FHIT: variants seen among roughly 807,000 people sequenced by gnomAD.
The protein encoded by FHIT is bis(5'-adenosyl)-triphosphatase.
In FHIT, 19 loss-of-function variants were observed where a neutral mutation model predicts 17.9. The observed-to-expected ratio is 1.06, with a 90% confidence interval of 0.74 to 1.56. FHIT has a LOEUF of 1.56. Ranked by LOEUF, FHIT falls within the 40% of genes most tolerant of loss-of-function variation. The probability of loss-of-function intolerance (pLI) is 0.00; values close to 1 mark genes in which losing one functional copy is unlikely to be tolerated. For synonymous variants in FHIT, 81 were observed against 69.7 expected (o/e 1.16, Z -0.81); for missense variants, 248 against 189.2 (o/e 1.31, Z -1.82).
At chr3:60,019,519 A>G (rs1700475395) in intron 5 of FHIT, among the ~76,000 whole-genome samples, 1 of 150,784 alleles carries the variant, frequency 6.6e-6, no homozygotes, top group Admixed American at 6.7e-5. Context: ...CCTGGGTTCA[A>G]GTGATTCTCC....
At chr3:61,046,462 G>C (rs756628827) in intron 2 of FHIT, among the ~76,000 whole-genome samples, 2 of 152,096 alleles carry the variant, frequency 1.3e-5, no homozygotes, top group African/African-American at 4.8e-5. Context: ...TCTCTGAATA[G>C]ACCAATAACA....
chr3:60,073,435 C>T (rs1046497950), intron 5 of FHIT, among the ~76,000 whole-genome samples: 2 of 152,132 alleles, frequency 1.3e-5, no homozygotes, highest in African/African-American at 2.4e-5. Context: ...CCTGGGACAA[C>T]AAACAGCCCC....
intron 5 of FHIT, among the ~76,000 whole-genome samples, chr3:60,448,593 G>T (rs1479001308): frequency 1.3e-5 from 2 of 152,138 alleles, no homozygotes; most frequent in Non-Finnish European, 2.9e-5. Flanking sequence ...GTAGTAAGCA[G>T]AGAGAGACAA....
At chr3:60,995,288 C>G (rs1157845763) in intron 3 of FHIT, among the ~76,000 whole-genome samples, 4 of 152,032 alleles carry the variant, frequency 2.6e-5, no homozygotes, top group Non-Finnish European at 5.9e-5. Context: ...CCACTGCACT[C>G]CAGCCTGGGG....
At chr3:60,942,793 C>G (rs1021433407) in intron 3 of FHIT, among the ~76,000 whole-genome samples, 2 of 151,922 alleles carry the variant, frequency 1.3e-5, no homozygotes, top group Admixed American at 6.6e-5. Context: ...TCCTTAATTC[C>G]CTAACAATGT....
chr3:60,285,742 CAGCT>C (rs1707694935), intron 5 of FHIT, among the ~76,000 whole-genome samples: 1 of 152,174 alleles, frequency 6.6e-6, no homozygotes, highest in Non-Finnish European at 1.5e-5. Context: ...CTGAGACTGT[CAGCT>C]AGAACTCTAT....
At chr3:59,807,943 C>T (rs1311609858) in intron 8 of FHIT, among the ~76,000 whole-genome samples, 1 of 152,092 alleles carries the variant, frequency 6.6e-6, no homozygotes. Flanking sequence ...ACGTAAAATC[C>T]ACCATTTAGC....
intron 8 of FHIT, among the ~76,000 whole-genome samples, chr3:59,899,565 G>A (rs1326826349): frequency 6.6e-6 from 1 of 152,144 alleles, no homozygotes; most frequent in East Asian, 1.9e-4. Flanking sequence ...CAGGCGCAGT[G>A]GCTCACACCT....
intron 8 of FHIT, among the ~76,000 whole-genome samples, chr3:59,811,209 C>T (rs1247227043): frequency 6.6e-6 from 1 of 152,182 alleles, no homozygotes; most frequent in Non-Finnish European, 1.5e-5. Flanking sequence ...CACATCAAAT[C>T]CTCTTTATTT....
chr3:60,082,010 G>A (rs1189352113), intron 5 of FHIT, among the ~76,000 whole-genome samples: 1 of 151,810 alleles, frequency 6.6e-6, no homozygotes, highest in East Asian at 1.9e-4. Context: ...GTGCACATGT[G>A]GGTTTGTTCC....
chr3:59,922,445 G>A lies in FHIT; in HGVS notation c.280-31C>T, dbSNP rs762956750. 5 of 1,565,814 alleles carry A rather than the reference G, an allele frequency of 3.2e-6. No homozygotes were observed. In the Admixed American group the frequency reaches 6.7e-5, roughly 21 times the overall value. On this transcript the variant is annotated intron_variant, in intron 7 of 9. Coordinates refer to ENST00000492590, the MANE Select transcript of FHIT (RefSeq NM_002012.4). ...AATGTACAAGAAAGAAAAAAAATGT[G>A]ATTATCTCCCCATGTATTTTTAGAC...
chr3:60,217,556 C>G (rs372976121), intron 5 of FHIT, among the ~76,000 whole-genome samples: 3 of 152,180 alleles, frequency 2.0e-5, no homozygotes, highest in Admixed American at 6.5e-5. Flanking sequence ...CACCCCCTTT[C>G]TAAATCCAAT....
intron 4 of FHIT, among the ~76,000 whole-genome samples, chr3:60,746,953 C>T (rs1355232797): frequency 6.6e-6 from 1 of 152,106 alleles, no homozygotes; most frequent in Non-Finnish European, 1.5e-5. Flanking sequence ...TTTATAAAAG[C>T]TAGACATGCA....
At chr3:60,033,755 T>G (rs1701098236) in intron 5 of FHIT, among the ~76,000 whole-genome samples, 1 of 152,208 alleles carries the variant, frequency 6.6e-6, no homozygotes, top group Admixed American at 6.5e-5. Flanking sequence ...GTGCTTTTTC[T>G]GAGTATGTCT....
Position 60,974,016 on chromosome 3 carries a change from C to T in FHIT, c.-111+68031G>A, listed in dbSNP as rs59850534. Among the ~76,000 whole-genome samples the T allele has an allele frequency of 6.1e-3, 924 of 152,280 alleles. 9 individuals are homozygous for T. The highest frequency in any genetic ancestry group is 0.021 in the African/African-American group (879 of 41,548). On this transcript the variant is annotated intron_variant, in intron 3 of 9. Coordinates refer to ENST00000492590, the MANE Select transcript of FHIT (RefSeq NM_002012.4). Reference sequence around the variant, plus strand: ...AAATCATTTAATAAAATATTACAGACGCTTGTTCAAAATCATGCACACAAT... The same window carrying T: ...AAATCATTTAATAAAATATTACAGATGCTTGTTCAAAATCATGCACACAAT...
intron 5 of FHIT, among the ~76,000 whole-genome samples, chr3:60,340,602 T>C (rs1710467822): frequency 6.6e-6 from 1 of 152,208 alleles, no homozygotes; most frequent in Non-Finnish European, 1.5e-5. Flanking sequence ...AAGCAACATG[T>C]CAGAATATGC....
At chr3:60,921,512 T>G (rs533315807) in intron 3 of FHIT, among the ~76,000 whole-genome samples, 100 of 152,340 alleles carry the variant, frequency 6.6e-4, no homozygotes, top group African/African-American at 2.4e-3. Context: ...TGAAAGCTTG[T>G]GTAAACATAA....
intron 8 of FHIT, among the ~76,000 whole-genome samples, chr3:59,879,988 G>C (rs529297721): frequency 7.4e-6 from 1 of 134,838 alleles, no homozygotes; most frequent in Non-Finnish European, 1.5e-5. Flanking sequence ...GAGAAGAGGA[G>C]AAGTCCATAT....
chr3:60,611,573 A>G (rs1267090035), intron 4 of FHIT, among the ~76,000 whole-genome samples: 2 of 152,200 alleles, frequency 1.3e-5, no homozygotes, highest in Non-Finnish European at 2.9e-5. Context: ...ATTGTTCCTC[A>G]TCAGCATGAG....
Sources: allele counts gnomAD v4.1 joint callset (sites outside exome capture counted in the v4.1 genomes callset), GRCh38; gene constraint gnomAD v4.1.1; transcripts MANE v1.5; gene names NCBI Gene and HGNC (gene_info 2026-07-23, HGNC 2026-07-21).